Variants in ANK2 observed in about 807,000 individuals in gnomAD.
ANK2 encodes the protein ankyrin 2.
In ANK2, 83 loss-of-function variants were observed where a neutral mutation model predicts 360.5. The observed-to-expected ratio is 0.23, with a 90% CI of 0.19 to 0.28. The LOEUF is 0.28. Among genes scored for constraint, ANK2 ranks in the 10% least tolerant of loss-of-function variants. ANK2 has a pLI of 1.00. For synonymous variants in ANK2, 1,740 were observed against 1,759.5 expected (o/e 0.99, Z 0.28); for missense variants, 4,201 against 4,795.7 (o/e 0.88, Z 3.66).
At chr4:112,963,411 G>A (rs1030379892) in intron 2 of ANK2, among the ~76,000 whole-genome samples, 13 of 152,102 alleles carry the variant, frequency 8.5e-5, no homozygotes, top group African/African-American at 2.9e-4. Flanking sequence ...AGCATCAAAG[G>A]TAATTACAGC....
rs374973572 is a variant in ANK2, at chr4:113,365,193, G to T, written c.11032+11G>T. 6.1e-5 allele frequency: 93 copies of T among 1,527,734 alleles called. No individual in the cohort carries two copies. Among genetic ancestry groups the T allele is most frequent in the Non-Finnish European group, 7.3e-5 (83 of 1,137,968 alleles). The allele number at this position is 1,527,734 out of a possible 1,614,324, so 94.6% of individuals were successfully genotyped here. On this transcript the variant is annotated intron_variant, in intron 41 of 45. Coordinates refer to ENST00000357077, the MANE Select transcript of ANK2 (RefSeq NM_001148.6). ...TGGATCATAGTGAAGGTCAAACTGT[G>T]TGTGTGTATGTGTGTGTGTGTGTGT...
chr4:113,061,728 G>A (rs777558540), intron 1 of ANK2, among the ~76,000 whole-genome samples: 12 of 152,026 alleles, frequency 7.9e-5, no homozygotes, highest in Non-Finnish European at 1.3e-4. Flanking sequence ...CAATAATACT[G>A]CTGTTGTTTA....
intron 11 of ANK2, among the ~76,000 whole-genome samples, chr4:113,257,842 T>TTAC (rs1484965211): frequency 6.6e-6 from 1 of 152,190 alleles, no homozygotes; most frequent in Admixed American, 6.5e-5. Context: ...ACAAACAGAA[T>TTAC]TACGTACAGG....
the ANK2 span, chr4:112,788,283 T>C: frequency 1.3e-6 from 2 of 1,576,264 alleles, no homozygotes; most frequent in Non-Finnish European, 1.7e-6. Context: ...AAGGCGACAG[T>C]GGTGCAGGTC....
intron 2 of ANK2, among the ~76,000 whole-genome samples, chr4:113,192,927 A>ATTTTT (rs1562781839): frequency 7.0e-6 from 1 of 143,358 alleles, no homozygotes; most frequent in East Asian, 1.9e-4. Flanking sequence ...CATTATTTAA[A>ATTTTT]AAAAAAAAAA....
intron 31 of ANK2, among the ~76,000 whole-genome samples, chr4:113,338,311 G>A (rs1444313618): frequency 6.6e-6 from 1 of 152,024 alleles, no homozygotes; most frequent in Non-Finnish European, 1.5e-5. Context: ...TAATTTCTCA[G>A]TAGACATGAA....
At chr4:113,015,628 G>C (rs2056395164) in intron 2 of ANK2, among the ~76,000 whole-genome samples, 1 of 152,194 alleles carries the variant, frequency 6.6e-6, no homozygotes, top group Non-Finnish European at 1.5e-5. Context: ...ATTGAAGCAT[G>C]TTCCATTTTC....
intron 2 of ANK2, among the ~76,000 whole-genome samples, chr4:113,015,345 A>C (rs754176926): frequency 3.9e-5 from 6 of 152,214 alleles, no homozygotes; most frequent in African/African-American, 4.8e-5. Flanking sequence ...TAGACTTAGC[A>C]CTAACCTAAA....
chr4:113,156,371 C>CTTTTTTTTTTTTTTTT (rs150536846), intron 1 of ANK2, among the ~76,000 whole-genome samples: 4,897 of 127,266 alleles, frequency 0.038, 392 homozygotes, highest in Non-Finnish European at 0.044. Flanking sequence ...TAGAAAAATT[C>CTTTTTTTTTTTTTTTT]TTTTTTTTTT....
At chr4:113,068,341 A>G (rs1251547342) in intron 1 of ANK2, among the ~76,000 whole-genome samples, 1 of 152,224 alleles carries the variant, frequency 6.6e-6, no homozygotes, top group East Asian at 1.9e-4. Flanking sequence ...TTAAGTTTAA[A>G]TGATTTGGAT....
intron 1 of ANK2, among the ~76,000 whole-genome samples, chr4:113,077,834 C>G (rs1274569051): frequency 6.6e-6 from 1 of 152,224 alleles, no homozygotes; most frequent in Non-Finnish European, 1.5e-5. Flanking sequence ...GCCCAAGCTT[C>G]TGAAGAGCAG....
intron 32 of ANK2, 71 bp from the exon 33 acceptor site, chr4:113,341,617 G>A: frequency 2.0e-6 from 3 of 1,497,492 alleles, no homozygotes; most frequent in Non-Finnish European, 2.8e-6. Flanking sequence ...TGATCATATT[G>A]AAGGAACTGA....
intron 18 of ANK2, among the ~76,000 whole-genome samples, chr4:113,286,117 G>A (rs1352971399): frequency 6.6e-6 from 1 of 152,186 alleles, no homozygotes; most frequent in Non-Finnish European, 1.5e-5. Context: ...ATGTCTTTGA[G>A]ATTTGATGAT....
the ANK2 span, among the ~76,000 whole-genome samples, chr4:112,775,546 A>ACACACACACACAC: frequency 2.1e-3 from 18 of 8,766 alleles, no homozygotes; most frequent in African/African-American, 3.4e-3. Context: ...CACACACACA[A>ACACACACACACAC]GAAAAAAAAT....
intron 1 of ANK2, among the ~76,000 whole-genome samples, chr4:113,114,482 C>G (rs1281629029): frequency 6.6e-6 from 1 of 151,864 alleles, no homozygotes. Flanking sequence ...CTTTATGAGA[C>G]AAAGATAAAA....
intron 1 of ANK2, chr4:112,826,671 G>T: frequency 1.1e-6 from 1 of 938,154 alleles, no homozygotes; most frequent in Non-Finnish European, 1.7e-6. Context: ...ACATTCCTCA[G>T]CATTGACCAT....
At chr4:112,997,370 C>A (rs1358931981) in intron 2 of ANK2, among the ~76,000 whole-genome samples, 1 of 152,094 alleles carries the variant, frequency 6.6e-6, no homozygotes. Flanking sequence ...TTCTGACTGA[C>A]CAAATCTGTG....
chr4:113,341,605 T>A, intron 32 of ANK2, 83 bp from the exon 33 acceptor site: 2 of 1,426,802 alleles, frequency 1.4e-6, no homozygotes, highest in Non-Finnish European at 2.0e-6. Context: ...TGTTGACTAC[T>A]TTGATCATAT....
At chr4:112,707,234 G>T in the ANK2 span, among the ~76,000 whole-genome samples, 1 of 152,198 alleles carries the variant, frequency 6.6e-6, no homozygotes, top group Non-Finnish European at 1.5e-5. Context: ...AAAAATAAAG[G>T]AGACTCCAGG....
Sources: gnomAD v4.1 joint callset for allele counts (sites outside exome capture counted in the v4.1 genomes callset) on GRCh38, gnomAD v4.1.1 for gene constraint, MANE v1.5 for transcripts, NCBI Gene and HGNC (gene_info 2026-07-23, HGNC 2026-07-21) for gene names.